ROBO1: variants seen among roughly 807,000 people sequenced by gnomAD.
ROBO1 encodes the protein roundabout homolog 1.
Under a neutral mutation model 195.9 loss-of-function variants are expected in ROBO1, and 149 were observed. The ratio of observed to expected loss-of-function variants is 0.76; its 90% CI spans 0.67 to 0.87. The LOEUF (loss-of-function observed/expected upper bound fraction) is 0.87, where lower values mean the gene tolerates loss of function less well. Among genes scored for constraint, ROBO1 ranks in the 40% least tolerant of loss-of-function variants. ROBO1 has a pLI of 0.00. For synonymous variants in ROBO1, 816 were observed against 733.2 expected, an observed-to-expected ratio of 1.11 and a Z score of -1.82; for missense variants, 1,933 against 2,068.3, an observed-to-expected ratio of 0.93 and a Z score of 1.27.
intron 2 of ROBO1, among the ~76,000 whole-genome samples, chr3:79,205,794 T>TAAA (rs907219623): frequency 6.6e-6 from 1 of 152,144 alleles, no homozygotes; most frequent in Non-Finnish European, 1.5e-5. Context: ...AAAGCAGATG[T>TAAA]AAAGATGGGG....
intron 1 of ROBO1, among the ~76,000 whole-genome samples, chr3:79,610,739 T>C (rs1489403899): frequency 2.0e-5 from 3 of 151,992 alleles, no homozygotes; most frequent in African/African-American, 7.2e-5. Flanking sequence ...GAAACCCAGC[T>C]CAACTGACTT....
intron 3 of ROBO1, among the ~76,000 whole-genome samples, chr3:79,108,613 G>C (rs1261794446): frequency 6.6e-6 from 1 of 151,724 alleles, no homozygotes; most frequent in African/African-American, 2.4e-5. Context: ...AAATACAAGA[G>C]CAATAGGTTA....
intron 3 of ROBO1, among the ~76,000 whole-genome samples, chr3:79,079,016 T>C (rs946503367): frequency 6.6e-6 from 1 of 151,766 alleles, no homozygotes; most frequent in Non-Finnish European, 1.5e-5. Flanking sequence ...TAAATGTACA[T>C]ACATGCTCTG....
intron 3 of ROBO1, among the ~76,000 whole-genome samples, chr3:79,030,411 T>G (rs2078273769): frequency 6.6e-6 from 1 of 152,182 alleles, no homozygotes; most frequent in African/African-American, 2.4e-5. Flanking sequence ...CAATAGTATC[T>G]AGACTGAGTA....
At chr3:79,483,946 TG>T (rs1939007312) in intron 2 of ROBO1, among the ~76,000 whole-genome samples, 1 of 152,040 alleles carries the variant, frequency 6.6e-6, no homozygotes. Context: ...AAGAAAAGCG[TG>T]GGTCTGACTG....
chr3:78,782,139 C>T (rs886618095), intron 4 of ROBO1, among the ~76,000 whole-genome samples: 27 of 152,066 alleles, frequency 1.8e-4, no homozygotes, highest in African/African-American at 5.8e-4. Flanking sequence ...TCCAAGTTAT[C>T]TAGCTCAATT....
At chr3:79,085,501 G>A (rs1311877680) in intron 3 of ROBO1, among the ~76,000 whole-genome samples, 1 of 152,134 alleles carries the variant, frequency 6.6e-6, no homozygotes, top group Non-Finnish European at 1.5e-5. Flanking sequence ...GGCAAGGTTA[G>A]GCATGAGAAA....
intron 1 of ROBO1, among the ~76,000 whole-genome samples, chr3:79,631,532 C>G (rs1442529072): frequency 1.3e-5 from 2 of 151,882 alleles, no homozygotes; most frequent in Non-Finnish European, 2.9e-5. Flanking sequence ...TTATAAAAAT[C>G]TTAGAAGAAA....
At chr3:79,419,773 C>T (rs532892135) in intron 2 of ROBO1, among the ~76,000 whole-genome samples, 42 of 152,036 alleles carry the variant, frequency 2.8e-4, no homozygotes, top group Non-Finnish European at 5.3e-4. Flanking sequence ...TATATCTAGC[C>T]TTTGGGTTTG....
chr3:79,290,261 T>C (rs2032162251), intron 2 of ROBO1, among the ~76,000 whole-genome samples: 1 of 152,054 alleles, frequency 6.6e-6, no homozygotes, highest in Non-Finnish European at 1.5e-5. Flanking sequence ...CTCGAACCCC[T>C]GACCTCGTGA....
chr3:79,545,246 T>C (rs1004155142), intron 2 of ROBO1, among the ~76,000 whole-genome samples: 2 of 152,106 alleles, frequency 1.3e-5, no homozygotes, highest in African/African-American at 2.4e-5. Flanking sequence ...AAGTGATGGA[T>C]GAGGAGAAAA....
chr3:79,286,608 T>A (rs1282919541), intron 2 of ROBO1, among the ~76,000 whole-genome samples: 1 of 152,140 alleles, frequency 6.6e-6, no homozygotes, highest in Non-Finnish European at 1.5e-5. Context: ...GAAACTCCCA[T>A]GTGTTCACTC....
chr3:78,880,998 A>G (rs879297487), intron 4 of ROBO1, among the ~76,000 whole-genome samples: 4 of 152,170 alleles, frequency 2.6e-5, no homozygotes, highest in African/African-American at 9.6e-5. Context: ...GTTATGGACT[A>G]GCGTATTCTC....
intron 2 of ROBO1, among the ~76,000 whole-genome samples, chr3:79,210,399 A>G (rs1281436676): frequency 6.6e-6 from 1 of 152,190 alleles, no homozygotes; most frequent in African/African-American, 2.4e-5. Context: ...AACAAAGCAT[A>G]TAAGATTAAA....
intron 3 of ROBO1, among the ~76,000 whole-genome samples, chr3:79,051,563 C>T (rs1204435562): frequency 1.3e-5 from 2 of 152,108 alleles, no homozygotes; most frequent in African/African-American, 4.8e-5. Flanking sequence ...TTTAGGAGGC[C>T]AGTATCATCC....
chr3:78,888,872 G>A (rs1018764690), intron 4 of ROBO1, among the ~76,000 whole-genome samples: 1 of 152,184 alleles, frequency 6.6e-6, no homozygotes, highest in Non-Finnish European at 1.5e-5. Context: ...ATTGATTTAA[G>A]ATATATGAGT....
chr3:78,715,828 G>A (rs962523401), intron 7 of ROBO1, among the ~76,000 whole-genome samples: 1 of 152,144 alleles, frequency 6.6e-6, no homozygotes, highest in African/African-American at 2.4e-5. Context: ...GTGCCACTGG[G>A]CCCGGCCAAC....
At chr3:79,680,305 T>TGAGTC (rs907306569) in intron 1 of ROBO1, among the ~76,000 whole-genome samples, 9 of 151,978 alleles carry the variant, frequency 5.9e-5, no homozygotes, top group Non-Finnish European at 1.3e-4. Context: ...AGCAATAACA[T>TGAGTC]GAGTCTTTGG....
intron 1 of ROBO1, among the ~76,000 whole-genome samples, chr3:79,606,051 T>TATAC (rs1160717630): frequency 1.3e-5 from 2 of 151,186 alleles, no homozygotes; most frequent in African/African-American, 2.4e-5. Context: ...TATATATATA[T>TATAC]ACACCCATTT....
Sources: gnomAD v4.1 joint callset for allele counts (sites outside exome capture counted in the v4.1 genomes callset) on GRCh38, gnomAD v4.1.1 for gene constraint, MANE v1.5 for transcripts, NCBI Gene and HGNC (gene_info 2026-07-23, HGNC 2026-07-21) for gene names.